Variants in MAPK12 observed in about 807,000 individuals in gnomAD.
MAPK12 encodes the protein MAP kinase 12.
MAPK12 carries 49 observed loss-of-function variants against 49.1 expected under a neutral mutation model. The ratio of observed to expected loss-of-function variants is 1.00; its 90% confidence interval spans 0.79 to 1.27. The LOEUF (loss-of-function observed/expected upper bound fraction) is 1.27. Ranked by LOEUF, MAPK12 falls within the 50% of genes most tolerant of loss-of-function variation. MAPK12 has a pLI of 0.00. For synonymous variants in MAPK12, 251 were observed against 209.7 expected, an observed-to-expected ratio of 1.20 and a Z score of -1.70; for missense variants, 554 against 502.4, an observed-to-expected ratio of 1.10 and a Z score of -0.98.
intron 11 of MAPK12, 22 bp from the exon 12 acceptor site, chr22:50,253,502 G>GGGCCCCCCCCCCCCCC: frequency 5.8e-6 from 1 of 171,668 alleles, no homozygotes; most frequent in East Asian, 1.5e-4. Flanking sequence ...GGGGGGGCGG[G>GGGCCCCCCCCCCCCCC]CACAACAGAG....
In MAPK12 at chr22:50,255,817, G is replaced by T. The variant is rs1347566721; in HGVS notation, c.684C>A (p.Gly228=). ...EMITGKTLFK[G]SDHLDQLKEI... Reference sequence around the variant, plus strand: ...CCTGCGGCTGGAGGATACGGTCGCTGCCCTTGAACAGCGTCTTGCCTGTGA... The same window carrying T: ...CCTGCGGCTGGAGGATACGGTCGCTTCCCTTGAACAGCGTCTTGCCTGTGA... The change falls in exon 8 of 12, where the codon GGC becomes GGA. Residue 228 remains glycine, a synonymous_variant. Coordinates refer to ENST00000215659, the MANE Select transcript of MAPK12 (RefSeq NM_002969.6). 1.2e-6 allele frequency: 2 copies of T among 1,612,602 alleles called. No individual in the cohort carries two copies. The highest frequency in any genetic ancestry group is 2.7e-5 in the African/African-American group (2 of 74,932).
chr22:50,261,485 T>C lies in MAPK12; in HGVS notation c.25A>G (p.Ser9Gly). 1 of 1,259,338 alleles carries C rather than the reference T, an allele frequency of 7.9e-7. No homozygotes were observed. Among genetic ancestry groups the C allele is most frequent in the Non-Finnish European group, 1.0e-6 (1 of 978,350 alleles). The allele number at this position is 1,259,338 out of a possible 1,614,324, so 78.0% of individuals were successfully genotyped here. A position where few individuals can be genotyped will look rare whatever the true frequency, so the allele number is the denominator to read the frequency against. The change falls in exon 1 of 12, where the codon AGT becomes GGT. Residue 9 changes from serine to glycine, a missense_variant. Physicochemically the swap from Ser to Gly is moderately conservative, Grantham distance 56 (BLOSUM62 0). Coordinates refer to ENST00000215659, the MANE Select transcript of MAPK12 (RefSeq NM_002969.6). MSSPPPAR[S>G]GFYRQEVTKT... is the part of the protein sequence containing the mutation. ...GTCACCTCCTGGCGGTAAAAGCCAC[T>C]GCGGGCGGGCGGCGGAGAGCTCATG...
chr22:50,257,819 G>A (rs2065165567), intron 3 of MAPK12: 1 of 718,518 alleles, frequency 1.4e-6, no homozygotes, highest in South Asian at 1.5e-5. Context: ...GAGTCCCAGG[G>A]TGGTCGGCTG....
chr22:50,260,578 T>C (rs2065201565), intron 2 of MAPK12, among the ~76,000 whole-genome samples: 1 of 152,026 alleles, frequency 6.6e-6, no homozygotes, highest in African/African-American at 2.4e-5. Context: ...CAGGAGGGTG[T>C]CTGTGAGGCG....
chr22:50,258,981 G>A (rs923170724), intron 2 of MAPK12, among the ~76,000 whole-genome samples: 5 of 152,114 alleles, frequency 3.3e-5, no homozygotes, highest in South Asian at 2.1e-4. Context: ...GCCAGGTGGC[G>A]GAGGCCCAGG....
At chr22:50,256,851 C>G in intron 5 of MAPK12, 84 bp downstream of exon 5, 2 of 1,561,858 alleles carry the variant, frequency 1.3e-6, no homozygotes, top group South Asian at 2.4e-5. Flanking sequence ...ACCCAGACCC[C>G]ATCACATCCT....
rs141322209 is a variant in MAPK12, at chr22:50,255,649, G to A, written c.737C>T (p.Pro246Leu). Reference sequence around the variant, plus strand: ...CTGCAGCCGCTGCACAAACTCAGCCGGAGGCGTCCCCGTCACCTTCATGAT... The same window carrying A: ...CTGCAGCCGCTGCACAAACTCAGCCAGAGGCGTCCCCGTCACCTTCATGAT... ...KEIMKVTGTPPAEFVQRLQSD... is the reference protein window; with the variant it reads ...KEIMKVTGTPLAEFVQRLQSD... Residue 246 changes from proline to leucine, a missense_variant, in exon 9 of 12, where the codon CCG becomes CTG. By Grantham distance (98) the Pro-to-Leu change is moderately conservative (BLOSUM62 -3). Transcript: ENST00000215659. 133 of 1,362,760 alleles carry A rather than the reference G, an allele frequency of 9.8e-5. No individual in the cohort carries two copies. Among genetic ancestry groups the A allele is most frequent in the Non-Finnish European group, 1.1e-4 (111 of 1,029,742 alleles). The allele number at this position is 1,362,760 out of a possible 1,614,324, so 84.4% of individuals were successfully genotyped here.
chr22:50,257,065 T>C lies in MAPK12; in HGVS notation c.426+17A>G. The C allele has an allele frequency of 6.2e-7, 1 of 1,609,100 alleles. No individual in the cohort carries two copies. Among genetic ancestry groups the C allele is most frequent in the Non-Finnish European group, 8.5e-7 (1 of 1,177,782 alleles). ...AGGCCCTGCCTGCCTCCCTGCAGCC[T>C]CCCCCGGGGCCCGTACCCTCAGCCC... is the stretch of plus-strand genomic sequence containing the variant. On this transcript the variant is annotated intron_variant, in intron 4 of 11. Coordinates refer to ENST00000215659, the MANE Select transcript of MAPK12 (RefSeq NM_002969.6).
rs374984773 is a variant in MAPK12 at position 50,255,860 on chromosome 22, C to G, written c.641G>C (p.Cys214Ser). Residue 214 changes from cysteine (C) to serine (S), a missense_variant, in exon 8 of 12, where the codon TGC becomes TCC. Physicochemically the swap from Cys to Ser is moderately radical, Grantham distance 112. Transcript: ENST00000215659. ...GCCTGTGATCATCTCCGCCATGATG[C>G]AGCCCACAGACCAGATGTCCACTGA... is the stretch of plus-strand genomic sequence containing the variant. The part of the protein sequence containing the change: ...TQTVDIWSVG[C>S]IMAEMITGKT... 44 of 1,612,634 alleles carry G rather than the reference C, an allele frequency of 2.7e-5. No individual in the cohort carries two copies. Among genetic ancestry groups the G allele is most frequent in the Non-Finnish European group, 3.7e-5 (44 of 1,179,974 alleles).
At chr22:50,256,828 G>A (rs932916466) in intron 5 of MAPK12, 107 bp downstream of exon 5, 1 of 1,536,372 alleles carries the variant, frequency 6.5e-7, no homozygotes, top group East Asian at 2.3e-5. Context: ...CTGTGCATAG[G>A]GCGTGGCTCA....
Position 50,253,106 on chromosome 22 carries a change from C to T in MAPK12, c.*295G>A, listed in dbSNP as rs1401560757. ...TCAGAGGCCAAGGCCTGATCTGGAG[C>T]CCCACCAGCTCTGAGGTTTCTGAGA... On this transcript the variant is annotated 3_prime_UTR_variant, in exon 12 of 12. Transcript: ENST00000215659. The T allele has an allele frequency of 4.4e-6, 2 of 456,676 alleles. No homozygotes were observed. Among genetic ancestry groups the T allele is most frequent in the Admixed American group, 3.4e-5 (1 of 29,190 alleles). The allele number at this position is 456,676 out of a possible 1,614,324, so 28.3% of individuals were successfully genotyped here. A position where few individuals can be genotyped will look rare whatever the true frequency, so the allele number is the denominator to read the frequency against.
chr22:50,253,502 G>GCCGCCCCCC, intron 11 of MAPK12, 22 bp from the exon 12 acceptor site: 1 of 171,684 alleles, frequency 5.8e-6, no homozygotes, highest in East Asian at 1.5e-4. Context: ...GGGGGGGCGG[G>GCCGCCCCCC]CACAACAGAG....
At chr22:50,260,508 A>C (rs2065200447) in intron 2 of MAPK12, among the ~76,000 whole-genome samples, 1 of 152,152 alleles carries the variant, frequency 6.6e-6, no homozygotes, top group Non-Finnish European at 1.5e-5. Context: ...GGAGAGGCCC[A>C]GGGCAGCTGT....
At chr22:50,255,974 C>T (rs974917597) in intron 7 of MAPK12, 93 bp from the exon 8 acceptor site, 3 of 1,497,398 alleles carry the variant, frequency 2.0e-6, no homozygotes, top group Non-Finnish European at 2.8e-6. Context: ...GCCCGGCTCC[C>T]ACCCCAGCTC....
At chr22:50,258,442 C>T in intron 2 of MAPK12, 141 bp from the exon 3 acceptor site, 1 of 751,776 alleles carries the variant, frequency 1.3e-6, no homozygotes. Flanking sequence ...CCTGGCTCTG[C>T]CCACTGGCAG....
intron 10 of MAPK12, 30 bp downstream of exon 10, chr22:50,255,423 C>T (rs773665243): frequency 3.7e-6 from 6 of 1,612,820 alleles, no homozygotes; most frequent in Non-Finnish European, 5.1e-6. Context: ...CACTCCAGCA[C>T]CCGGTGGCCC....
intron 7 of MAPK12, 34 bp downstream of exon 7, chr22:50,256,051 C>G (rs764445262): frequency 4.4e-6 from 7 of 1,583,676 alleles, no homozygotes; most frequent in Non-Finnish European, 6.0e-6. Context: ...GATGGTGCAG[C>G]CTGAGAGGCC....
At position 50,255,692 on chromosome 22, in the gene MAPK12, G is replaced by C. The variant is rs2065142774; in HGVS notation, c.694C>G (p.Leu232Val). The change falls in exon 9 of 12, where the codon CTG becomes GTG. Residue 232 changes from leucine (L) to valine (V), a missense_variant and splice_region_variant. Physicochemically the swap from Leu to Val is conservative, Grantham distance 32 (BLOSUM62 1). Coordinates refer to ENST00000215659, the MANE Select transcript of MAPK12 (RefSeq NM_002969.6). ...TTCATGATCTCCTTCAGCTGGTCCAGGTCTGCACCGAGGTCAGGAACACAG... is the reference window on the plus strand; with the variant it reads ...TTCATGATCTCCTTCAGCTGGTCCACGTCTGCACCGAGGTCAGGAACACAG... Reference protein sequence around the residue: ...GKTLFKGSDHLDQLKEIMKVT... With the variant: ...GKTLFKGSDHVDQLKEIMKVT... 1 of 1,609,528 alleles carries C rather than the reference G, an allele frequency of 6.2e-7. No homozygotes were observed. Among genetic ancestry groups the C allele is most frequent in the Non-Finnish European group, 8.5e-7 (1 of 1,179,786 alleles).
chr22:50,256,797 C>T, intron 5 of MAPK12, 138 bp downstream of exon 5: 1 of 1,508,142 alleles, frequency 6.6e-7, no homozygotes, highest in Non-Finnish European at 8.9e-7. Context: ...CCTGGGCACC[C>T]AGGCAGGTTC....
Sources: gnomAD v4.1 joint callset for allele counts (sites outside exome capture counted in the v4.1 genomes callset) on GRCh38, gnomAD v4.1.1 for gene constraint, MANE v1.5 for transcripts, NCBI Gene and HGNC (gene_info 2026-07-23, HGNC 2026-07-21) for gene names.